Variants in TAFA4 observed in about 807,000 individuals in gnomAD.
TAFA4 encodes TAFA chemokine like family member 4.
In TAFA4, 20 loss-of-function variants were observed where a neutral mutation model predicts 21.1. The ratio of observed to expected loss-of-function variants is 0.95; its 90% CI spans 0.67 to 1.38. The LOEUF (loss-of-function observed/expected upper bound fraction) is 1.38, where lower values mean the gene tolerates loss of function less well. Ranked by LOEUF, TAFA4 falls within the 40% of genes most tolerant of loss-of-function variation. The pLI is 0.00. For missense variants in TAFA4, 211 were observed against 180.9 expected (o/e 1.17, Z -0.95); for synonymous variants, 71 against 67.4 (o/e 1.05, Z -0.26).
At chr3:68,843,616 C>A (rs1474924692) in intron 3 of TAFA4, among the ~76,000 whole-genome samples, 3 of 152,204 alleles carry the variant, frequency 2.0e-5, no homozygotes, top group African/African-American at 7.2e-5. Context: ...GGGAATGCTT[C>A]CACGTTTTGC....
At chr3:68,820,085 A>G (rs1704078888) in intron 3 of TAFA4, among the ~76,000 whole-genome samples, 1 of 152,224 alleles carries the variant, frequency 6.6e-6, no homozygotes, top group South Asian at 2.1e-4. Context: ...TATATACACA[A>G]TGCAATACTA....
intron 3 of TAFA4, among the ~76,000 whole-genome samples, chr3:68,806,040 AAAC>A (rs1478754953): frequency 2.0e-5 from 3 of 152,180 alleles, no homozygotes; most frequent in African/African-American, 7.2e-5. Context: ...AATAACTCAA[AAAC>A]AACAATTTGA....
chr3:68,748,701 G>A (rs1318931203), intron 4 of TAFA4, among the ~76,000 whole-genome samples: 2 of 148,494 alleles, frequency 1.3e-5, no homozygotes, highest in African/African-American at 5.0e-5. Context: ...CAGAGAGCAC[G>A]CCACTGCACT....
At chr3:68,736,745 G>T (rs1042101903) in intron 5 of TAFA4, among the ~76,000 whole-genome samples, 1 of 151,914 alleles carries the variant, frequency 6.6e-6, no homozygotes, top group Non-Finnish European at 1.5e-5. Context: ...ATCCACAAAT[G>T]AATTTACTCT....
chr3:68,910,247 T>C (rs766896444), intron 1 of TAFA4, among the ~76,000 whole-genome samples: 4 of 152,244 alleles, frequency 2.6e-5, no homozygotes, highest in Non-Finnish European at 2.9e-5. Flanking sequence ...GAGGTGATTA[T>C]ACAAATGTGA....
chr3:68,903,550 C>G (rs533148133), intron 1 of TAFA4, among the ~76,000 whole-genome samples: 1 of 152,278 alleles, frequency 6.6e-6, no homozygotes, highest in Non-Finnish European at 1.5e-5. Flanking sequence ...AATACAGAAG[C>G]ACACATATTC....
At position 68,885,174 on chromosome 3, in the gene TAFA4, C is replaced by T; in HGVS notation, c.14+1G>A. The T allele has an allele frequency of 6.2e-7, 1 of 1,612,754 alleles. No individual in the cohort carries two copies. The highest frequency in any genetic ancestry group is 1.1e-5 in the South Asian group (1 of 90,814). ...CCAGGTGAACGTTAAAATAATCTTA[C>T]CTTGGGGACCTCATAAGATGTGGTT... On this transcript the variant is annotated splice_donor_variant, in intron 2 of 5. Coordinates refer to ENST00000295569, the MANE Select transcript of TAFA4 (RefSeq NM_182522.5). LOFTEE classifies it high-confidence loss of function.
chr3:68,763,549 C>T (rs956340389), intron 3 of TAFA4, among the ~76,000 whole-genome samples: 1 of 151,956 alleles, frequency 6.6e-6, no homozygotes, highest in African/African-American at 2.4e-5. Flanking sequence ...AAAATCAACA[C>T]AAAAAAATAC....
intron 3 of TAFA4, among the ~76,000 whole-genome samples, chr3:68,876,368 T>C (rs1039944232): frequency 1.3e-5 from 2 of 152,194 alleles, no homozygotes; most frequent in African/African-American, 4.8e-5. Context: ...CTGTGTTAAG[T>C]ACAATTCATT....
At chr3:68,783,673 C>T (rs4855513) in intron 3 of TAFA4, among the ~76,000 whole-genome samples, 1 of 86,130 alleles carries the variant, frequency 1.2e-5, no homozygotes, top group Non-Finnish European at 2.3e-5. Context: ...CACACACACA[C>T]AGAGAGAGAG....
At chr3:68,792,741 T>A (rs1279371916) in intron 3 of TAFA4, among the ~76,000 whole-genome samples, 1 of 152,176 alleles carries the variant, frequency 6.6e-6, no homozygotes, top group Non-Finnish European at 1.5e-5. Context: ...GCAGCAATAA[T>A]TTTCATCTAA....
intron 1 of TAFA4, among the ~76,000 whole-genome samples, chr3:68,885,996 A>G (rs898125611): frequency 3.9e-5 from 6 of 152,350 alleles, no homozygotes; most frequent in South Asian, 2.1e-4. Flanking sequence ...AAAACAGAAC[A>G]TGAAACTATA....
chr3:68,791,751 C>T (rs1419139035), intron 3 of TAFA4, among the ~76,000 whole-genome samples: 1 of 152,202 alleles, frequency 6.6e-6, no homozygotes, highest in African/African-American at 2.4e-5. Flanking sequence ...ATAAGAAAGG[C>T]AGCTATGTTA....
At chr3:68,880,461 T>A (rs764328241) in intron 3 of TAFA4, among the ~76,000 whole-genome samples, 4 of 152,182 alleles carry the variant, frequency 2.6e-5, no homozygotes, top group Non-Finnish European at 4.4e-5. Context: ...AAATTGCTGA[T>A]GGTTTTCTGG....
chr3:68,766,454 T>C (rs1222442679), intron 3 of TAFA4, among the ~76,000 whole-genome samples: 1 of 152,002 alleles, frequency 6.6e-6, no homozygotes, highest in Non-Finnish European at 1.5e-5. Flanking sequence ...CAGAGAGACA[T>C]ATGTACAGAT....
intron 3 of TAFA4, among the ~76,000 whole-genome samples, chr3:68,780,219 G>A (rs541585520): frequency 2.0e-5 from 3 of 152,330 alleles, no homozygotes; most frequent in Non-Finnish European, 2.9e-5. Flanking sequence ...TGATTTTACA[G>A]GCTCATAGGC....
chr3:68,871,966 T>C (rs569327952), intron 3 of TAFA4, among the ~76,000 whole-genome samples: 70 of 152,198 alleles, frequency 4.6e-4, no homozygotes, highest in African/African-American at 1.6e-3. Flanking sequence ...TGTAGATTAG[T>C]ACAGCCACTG....
intron 1 of TAFA4, among the ~76,000 whole-genome samples, chr3:68,931,036 A>G (rs751190977): frequency 6.6e-6 from 1 of 152,200 alleles, no homozygotes; most frequent in Non-Finnish European, 1.5e-5. Flanking sequence ...TTAGGAAGCT[A>G]GGCCATCAGT....
At chr3:68,918,599 G>A (rs1350737855) in intron 1 of TAFA4, among the ~76,000 whole-genome samples, 1 of 152,206 alleles carries the variant, frequency 6.6e-6, no homozygotes, top group Non-Finnish European at 1.5e-5. Flanking sequence ...ATGCACTGGT[G>A]CAATCACGGG....
Sources: allele counts gnomAD v4.1 joint callset (sites outside exome capture counted in the v4.1 genomes callset), GRCh38; gene constraint gnomAD v4.1.1; transcripts MANE v1.5; gene names NCBI Gene and HGNC (gene_info 2026-07-23, HGNC 2026-07-21).